Variants in QTGAL observed in about 807,000 individuals in gnomAD.
QTGAL encodes the protein BGnT-like protein 1.
the QTGAL span, among the ~76,000 whole-genome samples, chr17:82,950,172 G>A: frequency 6.6e-6 from 1 of 152,214 alleles, no homozygotes; most frequent in Admixed American, 6.5e-5. Flanking sequence ...GCAAGAGACA[G>A]GTGACCGTGG....
the QTGAL span, among the ~76,000 whole-genome samples, chr17:83,040,816 A>G: frequency 6.6e-6 from 1 of 152,218 alleles, no homozygotes; most frequent in Non-Finnish European, 1.5e-5. Flanking sequence ...CTGTAATCCC[A>G]GCACTTTGGG....
At chr17:83,013,616 G>A in the QTGAL span, among the ~76,000 whole-genome samples, 219 of 150,800 alleles carry the variant, frequency 1.5e-3, 2 homozygotes, top group African/African-American at 2.5e-3. Context: ...GACCAGGCCC[G>A]TCTGTGACCT....
chr17:82,975,528 A>AAC, the QTGAL span, among the ~76,000 whole-genome samples: 1 of 9,616 alleles, frequency 1.0e-4, no homozygotes. Flanking sequence ...CACTATGGAG[A>AAC]GTCAGGGCCC....
the QTGAL span, chr17:83,014,315 C>T: frequency 3.3e-6 from 3 of 911,340 alleles, 1 homozygote; most frequent in Non-Finnish European, 1.7e-6. Flanking sequence ...AGAGACATGC[C>T]AGCCACAGAT....
At chr17:82,964,842 C>T in the QTGAL span, among the ~76,000 whole-genome samples, 2 of 92,674 alleles carry the variant, frequency 2.2e-5, no homozygotes, top group East Asian at 3.9e-4. Context: ...ACGGGGAGGA[C>T]GGGGACACGG....
the QTGAL span, chr17:83,006,816 G>C: frequency 5.9e-5 from 58 of 985,264 alleles, no homozygotes; most frequent in Non-Finnish European, 7.0e-5. This position sits in a 1 kb window ranked among gnomAD's most constrained non-coding sequence, Gnocchi z 5.8. Flanking sequence ...GTTTGTCTGT[G>C]AACAGCGTCT....
chr17:82,973,525 C>T, the QTGAL span, among the ~76,000 whole-genome samples: 245 of 146,648 alleles, frequency 1.7e-3, 1 homozygote, highest in Admixed American at 3.5e-3. Context: ...ACATGACGCC[C>T]GGGCAGGATT....
At chr17:83,026,189 C>T in the QTGAL span, among the ~76,000 whole-genome samples, 71 of 152,312 alleles carry the variant, frequency 4.7e-4, no homozygotes, top group Admixed American at 9.2e-4. Context: ...GTGAACCCCC[C>T]GGAATTCTAA....
chr17:82,974,272 G>C, the QTGAL span, among the ~76,000 whole-genome samples: 1 of 152,212 alleles, frequency 6.6e-6, no homozygotes, highest in Non-Finnish European at 1.5e-5. Flanking sequence ...AGGCCGCCCG[G>C]GTGGCCGGCG....
the QTGAL span, chr17:82,947,115 C>G: frequency 1.4e-6 from 1 of 706,406 alleles, no homozygotes; most frequent in East Asian, 2.9e-5. Flanking sequence ...CTGCTAATAG[C>G]GGAGAGGCTG....
chr17:83,024,945 C>T, the QTGAL span, among the ~76,000 whole-genome samples: 1 of 152,226 alleles, frequency 6.6e-6, no homozygotes, highest in Non-Finnish European at 1.5e-5. Flanking sequence ...CCGGCAGCTG[C>T]AAGACCGCAG....
the QTGAL span, chr17:82,957,081 C>A: frequency 3.3e-6 from 5 of 1,514,198 alleles, no homozygotes; most frequent in Non-Finnish European, 3.7e-6. Context: ...GCCAGCACGG[C>A]CCAGGTGGAC....
the QTGAL span, among the ~76,000 whole-genome samples, chr17:82,994,046 A>G: frequency 6.6e-6 from 1 of 152,158 alleles, no homozygotes. Flanking sequence ...ATAAGTGTCT[A>G]CATCAAAAAA....
chr17:83,035,715 AT>A, the QTGAL span, among the ~76,000 whole-genome samples: 5 of 152,160 alleles, frequency 3.3e-5, no homozygotes, highest in East Asian at 9.6e-4. Flanking sequence ...TCCTGGGAAT[AT>A]TTTTTTAAAC....
the QTGAL span, among the ~76,000 whole-genome samples, chr17:82,960,160 T>C: frequency 6.6e-6 from 1 of 152,106 alleles, no homozygotes; most frequent in African/African-American, 2.4e-5. Context: ...GGAGTGAGGA[T>C]GATGCCCCCA....
At chr17:82,970,982 G>A in the QTGAL span, among the ~76,000 whole-genome samples, 6 of 152,136 alleles carry the variant, frequency 3.9e-5, no homozygotes, top group African/African-American at 1.2e-4. Flanking sequence ...GAGAGAAACC[G>A]AGGCAGCCGG....
the QTGAL span, chr17:83,048,667 A>T: frequency 6.2e-7 from 1 of 1,612,576 alleles, no homozygotes; most frequent in Non-Finnish European, 8.5e-7. Flanking sequence ...GTTCCTACAA[A>T]CCTTACTGGC....
At chr17:82,957,192 C>T in the QTGAL span, 18 of 1,614,074 alleles carry the variant, frequency 1.1e-5, no homozygotes, top group African/African-American at 2.7e-5. Flanking sequence ...TGAGAGTCCT[C>T]GTGGCAATAG....
chr17:82,997,864 C>G, the QTGAL span, among the ~76,000 whole-genome samples: 1 of 150,176 alleles, frequency 6.7e-6, no homozygotes, highest in African/African-American at 2.5e-5. Flanking sequence ...GGATGGTTAC[C>G]AGAGGCTGGG....
Sources: allele counts gnomAD v4.1 joint callset (sites outside exome capture counted in the v4.1 genomes callset), GRCh38; gene constraint gnomAD v4.1.1; non-coding constraint Gnocchi (gnomAD v3.1); transcripts MANE v1.5; gene names NCBI Gene and HGNC (gene_info 2026-07-23, HGNC 2026-07-21).